NRXN1: variants seen among roughly 807,000 people sequenced by gnomAD.
NRXN1 encodes neurexin-1.
NRXN1 carries 39 observed loss-of-function variants against 150.9 expected under a neutral mutation model. The observed-to-expected ratio is 0.26, with a 90% CI of 0.20 to 0.34. The LOEUF (loss-of-function observed/expected upper bound fraction) is 0.34, where lower values mean the gene tolerates loss of function less well. Among genes scored for constraint, NRXN1 ranks in the 10% least tolerant of loss-of-function variants. The pLI is 1.00. For synonymous variants in NRXN1, 924 were observed against 757.0 expected (o/e 1.22, Z -3.62); for missense variants, 1,815 against 1,949.9 (o/e 0.93, Z 1.30).
At chr2:50,790,430 C>CTCTCTACATAAACATAAATAAAA (rs1416376913) in intron 5 of NRXN1, among the ~76,000 whole-genome samples, 1 of 152,144 alleles carries the variant, frequency 6.6e-6, no homozygotes, top group Non-Finnish European at 1.5e-5. Flanking sequence ...CCACTCACTC[C>CTCTCTACATAAACATAAATAAAA]TCTCTACATA....
chr2:50,171,131 AG>A (rs1330988766), intron 18 of NRXN1, among the ~76,000 whole-genome samples: 1 of 152,016 alleles, frequency 6.6e-6, no homozygotes, highest in Non-Finnish European at 1.5e-5. Flanking sequence ...GAGGAAGAGA[AG>A]GAAGAGGAGG....
chr2:50,469,374 G>C (rs1004833283), intron 16 of NRXN1, among the ~76,000 whole-genome samples: 1 of 151,674 alleles, frequency 6.6e-6, no homozygotes, highest in Non-Finnish European at 1.5e-5. Context: ...ATTTAGGAAA[G>C]ATCAAAAGTT....
intron 17 of NRXN1, among the ~76,000 whole-genome samples, chr2:50,337,733 C>A (rs1238335366): frequency 1.3e-5 from 2 of 152,084 alleles, no homozygotes; most frequent in Non-Finnish European, 2.9e-5. Context: ...ATTTTAATCA[C>A]TTCCTCACTA....
intron 5 of NRXN1, among the ~76,000 whole-genome samples, chr2:50,805,576 G>A (rs189567081): frequency 1.4e-3 from 219 of 152,150 alleles, no homozygotes; most frequent in Non-Finnish European, 2.4e-3. Flanking sequence ...GGAGGCAGAG[G>A]TTGCAGTGAG....
intron 18 of NRXN1, among the ~76,000 whole-genome samples, chr2:50,095,253 G>A (rs565515729): frequency 6.6e-6 from 1 of 152,302 alleles, no homozygotes; most frequent in African/African-American, 2.4e-5. Context: ...GCAAAGCACT[G>A]TTGAGACTCC....
At chr2:50,076,057 A>C (rs529489271) in intron 19 of NRXN1, among the ~76,000 whole-genome samples, 9 of 152,332 alleles carry the variant, frequency 5.9e-5, no homozygotes, top group Admixed American at 3.9e-4. Flanking sequence ...TTGATTACTG[A>C]ACACCATTCT....
At chr2:50,234,354 CGTG>C (rs1156232127) in intron 18 of NRXN1, among the ~76,000 whole-genome samples, 4 of 151,848 alleles carry the variant, frequency 2.6e-5, no homozygotes, top group Non-Finnish European at 4.4e-5. Flanking sequence ...ATTAGCTGGG[CGTG>C]GTGGTGGGCA....
chr2:49,992,092 C>A (rs2152521608), intron 21 of NRXN1, among the ~76,000 whole-genome samples: 1 of 152,194 alleles, frequency 6.6e-6, no homozygotes, highest in Non-Finnish European at 1.5e-5. Flanking sequence ...GGATCAAACC[C>A]TTAAGTGTAA....
chr2:50,307,436 T>C (rs1413447439), intron 17 of NRXN1, among the ~76,000 whole-genome samples: 1 of 152,180 alleles, frequency 6.6e-6, no homozygotes, highest in African/African-American at 2.4e-5. Flanking sequence ...ATTTAATTAG[T>C]CACTAAGTGG....
At chr2:50,912,975 C>G (rs1684738499) in intron 5 of NRXN1, 1 of 151,778 alleles carries the variant, frequency 6.6e-6, no homozygotes, top group Admixed American at 6.6e-5. Context: ...CTTTAAGACT[C>G]TTAACTTCAG....
intron 8 of NRXN1, among the ~76,000 whole-genome samples, chr2:50,606,419 A>C (rs1677127841): frequency 1.3e-5 from 2 of 151,858 alleles, no homozygotes; most frequent in Admixed American, 6.6e-5. Context: ...AAAGAATAGA[A>C]TTGTGGTTGC....
chr2:50,018,223 T>C (rs375835405), intron 21 of NRXN1, among the ~76,000 whole-genome samples: 1 of 152,166 alleles, frequency 6.6e-6, no homozygotes, highest in African/African-American at 2.4e-5. Context: ...ACCTCTAGCA[T>C]ATAAGGCTGG....
chr2:50,885,994 T>G (rs1325307058), intron 5 of NRXN1, among the ~76,000 whole-genome samples: 2 of 151,428 alleles, frequency 1.3e-5, no homozygotes, highest in Non-Finnish European at 3.0e-5. Context: ...AGACTAAGTA[T>G]AAAGAACTCT....
chr2:50,826,388 G>A (rs1476651936), intron 5 of NRXN1, among the ~76,000 whole-genome samples: 1 of 152,180 alleles, frequency 6.6e-6, no homozygotes, highest in Non-Finnish European at 1.5e-5. Context: ...GAAGGAAAGT[G>A]AGGTATGATG....
intron 15 of NRXN1, among the ~76,000 whole-genome samples, chr2:50,484,911 C>A (rs1573193000): frequency 6.6e-6 from 1 of 152,090 alleles, no homozygotes; most frequent in East Asian, 1.9e-4. Context: ...ATATTTCCCC[C>A]CAAGATTAAA....
At chr2:50,489,620 C>T (rs2091116605) in intron 15 of NRXN1, among the ~76,000 whole-genome samples, 1 of 151,972 alleles carries the variant, frequency 6.6e-6, no homozygotes, top group African/African-American at 2.4e-5. Flanking sequence ...CTTATACTTC[C>T]TAAGTTCACG....
intron 18 of NRXN1, among the ~76,000 whole-genome samples, chr2:50,208,053 T>C (rs1374436535): frequency 1.3e-5 from 2 of 152,112 alleles, no homozygotes; most frequent in Admixed American, 1.3e-4. Context: ...CTCCACTAGT[T>C]AGTTGTGGCT....
chr2:50,640,098 A>G (rs1037812366), intron 5 of NRXN1, among the ~76,000 whole-genome samples: 1 of 152,174 alleles, frequency 6.6e-6, no homozygotes, highest in African/African-American at 2.4e-5. Context: ...AAGTTGTCAA[A>G]TTAACATCAA....
chr2:50,853,213 A>G (rs1176268408), intron 5 of NRXN1, among the ~76,000 whole-genome samples: 2 of 152,156 alleles, frequency 1.3e-5, no homozygotes, highest in African/African-American at 2.4e-5. Flanking sequence ...CACATTCTAT[A>G]TGCTCACATT....
Sources: gnomAD v4.1 joint callset for allele counts (sites outside exome capture counted in the v4.1 genomes callset) on GRCh38, gnomAD v4.1.1 for gene constraint, MANE v1.5 for transcripts, NCBI Gene and HGNC (gene_info 2026-07-23, HGNC 2026-07-21) for gene names.